The following MELK variants were observed in gnomAD, a reference collection of about 807,000 sequenced individuals.
The protein encoded by MELK is pEg3 kinase.
Under a neutral mutation model 85.0 loss-of-function variants are expected in MELK, and 81 were observed. The ratio of observed to expected loss-of-function variants is 0.95; its 90% CI spans 0.80 to 1.15. MELK has a LOEUF of 1.15. Among genes scored for constraint, MELK ranks in the 50% most tolerant of loss-of-function variants. The pLI is 0.00. For synonymous variants in MELK, 252 were observed against 265.0 expected, an observed-to-expected ratio of 0.95 and a Z score of 0.48; for missense variants, 754 against 777.5, an observed-to-expected ratio of 0.97 and a Z score of 0.36.
chr9:36,605,094 G>A (rs1254833384), intron 7 of MELK, among the ~76,000 whole-genome samples: 1 of 152,114 alleles, frequency 6.6e-6, no homozygotes, highest in African/African-American at 2.4e-5. Flanking sequence ...GTTTCACCAT[G>A]TTGGCCCTGC....
At chr9:36,616,511 T>C (rs1052795828) in intron 8 of MELK, among the ~76,000 whole-genome samples, 1 of 151,026 alleles carries the variant, frequency 6.6e-6, no homozygotes, top group Non-Finnish European at 1.5e-5. Context: ...TGCCTCAGCC[T>C]CCTGAATAGC....
At chr9:36,586,082 T>A (rs1353818501) in intron 3 of MELK, among the ~76,000 whole-genome samples, 1 of 152,186 alleles carries the variant, frequency 6.6e-6, no homozygotes, top group Non-Finnish European at 1.5e-5. Flanking sequence ...GGCTCACACC[T>A]GTAATCCCAG....
chr9:36,597,004 T>A (rs180772367), intron 5 of MELK, among the ~76,000 whole-genome samples: 8 of 152,294 alleles, frequency 5.3e-5, no homozygotes, highest in East Asian at 1.9e-4. Flanking sequence ...TTAATTAATT[T>A]ATTTATTTTT....
chr9:36,662,619 G>A (rs943252959), intron 13 of MELK, among the ~76,000 whole-genome samples: 4 of 152,152 alleles, frequency 2.6e-5, no homozygotes, highest in African/African-American at 9.7e-5. Flanking sequence ...ACCCCTCCTG[G>A]ATTCCATGCT....
intron 3 of MELK, among the ~76,000 whole-genome samples, chr9:36,585,308 T>G (rs1184301642): frequency 7.1e-6 from 1 of 140,030 alleles, no homozygotes; most frequent in Non-Finnish European, 1.5e-5. Flanking sequence ...CTTTGTTTTT[T>G]TTTTTTTTTT....
At chr9:36,580,033 GTCT>G (rs1437144575) in intron 1 of MELK, among the ~76,000 whole-genome samples, 1 of 139,770 alleles carries the variant, frequency 7.2e-6, no homozygotes, top group African/African-American at 2.7e-5. Context: ...ATTTTTTCAT[GTCT>G]TCTTTTTTTT....
chr9:36,614,430 T>TTG (rs1826355511), intron 8 of MELK, among the ~76,000 whole-genome samples: 1 of 143,928 alleles, frequency 6.9e-6, no homozygotes, highest in African/African-American at 2.7e-5. Flanking sequence ...TTTGGGTTTT[T>TTG]TTTTTTTTTT....
intron 10 of MELK, among the ~76,000 whole-genome samples, chr9:36,641,397 G>C (rs1829738738): frequency 6.6e-6 from 1 of 152,076 alleles, no homozygotes; most frequent in Admixed American, 6.6e-5. Flanking sequence ...ATTAAGTCCT[G>C]TTGCAATTAA....
rs762901190 is a variant in MELK, at chr9:36,597,251, A to C, written c.435A>C (p.Lys145Asn). ...PENLLFDEYHKLKLIDFGLCA... is the reference protein window; with the variant it reads ...PENLLFDEYHNLKLIDFGLCA... ...ATTTGCTGTTTGATGAATATCATAA[A>C]TTAAAGCTGATTGACTTTGGTCTCT... The change falls in exon 6 of 18, where the codon AAA becomes AAC. Residue 145 changes from lysine (K) to asparagine (N), a missense_variant. Physicochemically the swap from Lys to Asn is moderately conservative, Grantham distance 94 (BLOSUM62 0). Transcript: ENST00000298048. The C allele has an allele frequency of 1.9e-6, 3 of 1,613,916 alleles. No homozygotes were observed. The highest frequency in any genetic ancestry group is 2.2e-5 in the East Asian group (1 of 44,874).
chr9:36,668,633 C>T (rs1490737037), intron 14 of MELK, among the ~76,000 whole-genome samples: 1 of 152,038 alleles, frequency 6.6e-6, no homozygotes, highest in African/African-American at 2.4e-5. Context: ...CTGCCTCAGC[C>T]TCCCAAGTGG....
chr9:36,577,865 C>T (rs1327361313), intron 1 of MELK, among the ~76,000 whole-genome samples: 1 of 151,708 alleles, frequency 6.6e-6, no homozygotes, highest in Non-Finnish European at 1.5e-5. Flanking sequence ...GTTGGTCAGG[C>T]TGGTCTTGAA....
rs548419304 is a variant in MELK, at chr9:36,638,208, T to C, written c.835-4789T>C. Among the ~76,000 whole-genome samples the C allele has an allele frequency of 5.9e-5, 9 of 152,336 alleles. No homozygotes were observed. In the South Asian group the frequency reaches 1.7e-3, roughly 28 times the overall value. ...TTCTACAACCCCAAGAGTTTTTTTT[T>C]ATTTGGGACACAGTATAAAGTAAAA... On this transcript the variant is annotated intron_variant, in intron 10 of 17. Transcript: ENST00000298048.
At chr9:36,644,798 C>T (rs990923365) in intron 11 of MELK, among the ~76,000 whole-genome samples, 2 of 152,162 alleles carry the variant, frequency 1.3e-5, no homozygotes, top group African/African-American at 4.8e-5. Flanking sequence ...TTTCCATGTT[C>T]TCATCATTCA....
At chr9:36,600,524 C>CA (rs1200273687) in intron 7 of MELK, among the ~76,000 whole-genome samples, 20 of 152,300 alleles carry the variant, frequency 1.3e-4, no homozygotes, top group African/African-American at 4.6e-4. Flanking sequence ...GCTGGGACTA[C>CA]ACGCGTCCGC....
At chr9:36,591,480 A>G (rs1026889988) in intron 4 of MELK, among the ~76,000 whole-genome samples, 33 of 151,708 alleles carry the variant, frequency 2.2e-4, no homozygotes, top group African/African-American at 8.0e-4. Context: ...AGGCTGAGGT[A>G]GGAGGATCAC....
At chr9:36,615,180 G>A (rs1360705289) in intron 8 of MELK, among the ~76,000 whole-genome samples, 16 of 140,914 alleles carry the variant, frequency 1.1e-4, no homozygotes, top group African/African-American at 3.2e-4. Context: ...CGGACGGGGC[G>A]GCTGGCCGGG....
chr9:36,674,766 G>A, intron 16 of MELK, 68 bp from the exon 17 acceptor site: 1 of 893,682 alleles, frequency 1.1e-6, no homozygotes, highest in Admixed American at 2.0e-5. Flanking sequence ...TGGAACTCTT[G>A]ATCTGGTGTG....
chr9:36,588,116 G>T (rs1354373928), intron 3 of MELK, among the ~76,000 whole-genome samples: 1 of 151,022 alleles, frequency 6.6e-6, no homozygotes, highest in Non-Finnish European at 1.5e-5. Context: ...TCCCAGGCTG[G>T]ATCGATCTCG....
chr9:36,676,421 ATAT>A (rs1320982913), intron 17 of MELK, among the ~76,000 whole-genome samples: 4 of 152,228 alleles, frequency 2.6e-5, no homozygotes, highest in South Asian at 2.1e-4. Context: ...AACTAATTAA[ATAT>A]TATTACATGA....
Sources: allele counts gnomAD v4.1 joint callset (sites outside exome capture counted in the v4.1 genomes callset), GRCh38; gene constraint gnomAD v4.1.1; transcripts MANE v1.5; gene names NCBI Gene and HGNC (gene_info 2026-07-23, HGNC 2026-07-21).